The following TM2D3 variants were observed in gnomAD, a reference collection of about 807,000 sequenced individuals.
TM2D3 encodes TM2 domain containing 3, also known as TM2 domain-containing protein 3.
A neutral mutation model predicts 27.3 loss-of-function variants in TM2D3; 33 were observed. That is an observed-to-expected ratio of 1.21 (90% CI 0.92 to 1.61). TM2D3 has a LOEUF of 1.61. Among genes scored for constraint, TM2D3 ranks in the 40% most tolerant of loss-of-function variants. TM2D3 has a pLI of 0.00. For synonymous variants in TM2D3, 138 were observed against 122.2 expected, an observed-to-expected ratio of 1.13 and a Z score of -0.85; for missense variants, 364 against 320.8, an observed-to-expected ratio of 1.13 and a Z score of -1.03.
At position 101,645,113 on chromosome 15, in the gene TM2D3, A is replaced by C. The variant is rs750395784; in HGVS notation, c.552T>G (p.Tyr184Ter). ...TTAGAGCCAGAGCCGTAGACCACTT[A>C]TAGCCTCCAGTCCAATTGCAATATA... Reference protein sequence around the residue: ...KMLYCNWTGGYKWSTALALSI... With the variant: ...KMLYCNWTGG The change falls in exon 5 of 6, where the codon TAT (tyrosine) becomes TAG (stop). Residue 184 changes from tyrosine (Y) to a stop codon, truncating the protein, a stop_gained. Coordinates refer to ENST00000333202, the MANE Select transcript of TM2D3 (RefSeq NM_078474.3). LOFTEE classifies it high-confidence loss of function. 1.3e-5 allele frequency: 21 copies of C among 1,613,808 alleles called. No individual in the cohort carries two copies. The South Asian group carries it at 2.2e-4, about 17-fold the overall frequency.
downstream of TM2D3, among the ~76,000 whole-genome samples, chr15:101,639,334 A>C (rs1475427353): frequency 6.6e-6 from 1 of 152,034 alleles, no homozygotes; most frequent in Admixed American, 6.5e-5. Flanking sequence ...ACAGAGGGGA[A>C]GCTTTAGAGC....
downstream of TM2D3, among the ~76,000 whole-genome samples, chr15:101,639,694 G>A (rs1170966647): frequency 1.3e-5 from 2 of 152,114 alleles, no homozygotes; most frequent in African/African-American, 2.4e-5. Flanking sequence ...TAAACCAGTT[G>A]TTCCTCAGCA....
downstream of TM2D3, among the ~76,000 whole-genome samples, chr15:101,639,005 C>G (rs1896609892): frequency 1.3e-5 from 2 of 152,202 alleles, no homozygotes; most frequent in Admixed American, 1.3e-4. Context: ...AGAACCAGAG[C>G]CCTGCCTTCG....
downstream of TM2D3, among the ~76,000 whole-genome samples, chr15:101,639,873 C>A (rs145717217): frequency 6.6e-6 from 1 of 152,154 alleles, no homozygotes; most frequent in Non-Finnish European, 1.5e-5. Context: ...TAAATGAGAG[C>A]CTCTGTGTGC....
intron 4 of TM2D3, 195 bp from the exon 5 acceptor site, chr15:101,645,357 T>TAC: frequency 1.7e-6 from 1 of 584,098 alleles, no homozygotes; most frequent in South Asian, 2.1e-5. Context: ...AAGTTAGGAT[T>TAC]ACAACGTGAG....
intron 3 of TM2D3, 138 bp from the exon 4 acceptor site, chr15:101,647,037 GT>G: frequency 1.2e-6 from 1 of 811,098 alleles, no homozygotes. Flanking sequence ...CAGAAAAACA[GT>G]TACCAAAACA....
At chr15:101,646,558 GCTTTA>G (rs1488237582) in intron 4 of TM2D3, 162 bp downstream of exon 4, 3 of 663,656 alleles carry the variant, frequency 4.5e-6, no homozygotes, top group Non-Finnish European at 7.8e-6. Context: ...TTTTCTGGAT[GCTTTA>G]CTTTAGTACG....
intron 4 of TM2D3, chr15:101,634,812 T>C (rs1023244916): frequency 6.6e-6 from 1 of 152,226 alleles, no homozygotes; most frequent in African/African-American, 2.4e-5. Context: ...TTTGAGGACA[T>C]TTTTAAGACC....
rs368849859 is a variant in TM2D3, at chr15:101,652,314, G to T, written c.48C>A (p.Arg16=). Residue 16 remains arginine, a synonymous_variant, in exon 1 of 6, where the codon CGC becomes CGA. Transcript: ENST00000333202. ...LPLRGLRALC[R]VLLFLSQFCI... is the part of the protein sequence containing the mutation. ...AGAACTGCGAGAGGAAGAGCAGCAC[G>T]CGACACAAGGCGCGGAGGCCCCTCA... 3.0e-4 allele frequency: 486 copies of T among 1,602,754 alleles called. 11 individuals are homozygous for T. The South Asian group carries it at 4.2e-3, about 14-fold the overall frequency.
intron 2 of TM2D3, chr15:101,650,389 CT>C (rs1896938260): frequency 2.5e-6 from 1 of 405,104 alleles, no homozygotes; most frequent in Non-Finnish European, 4.4e-6. Flanking sequence ...TCATTCCTGC[CT>C]CCCACGTGGC....
At chr15:101,648,930 A>C (rs1896894036) in intron 3 of TM2D3, among the ~76,000 whole-genome samples, 1 of 152,214 alleles carries the variant, frequency 6.6e-6, no homozygotes, top group Non-Finnish European at 1.5e-5. Context: ...TGCATGTGTA[A>C]GTTTAACAGA....
At chr15:101,639,874 C>G (rs1420892966), downstream of TM2D3, among the ~76,000 whole-genome samples, 2 of 152,156 alleles carry the variant, frequency 1.3e-5, no homozygotes, top group African/African-American at 2.4e-5. Flanking sequence ...AAATGAGAGC[C>G]TCTGTGTGCA....
chr15:101,645,040 C>T lies in TM2D3; in HGVS notation c.578+47G>A, dbSNP rs1182672323. On this transcript the variant is annotated intron_variant, in intron 5 of 5. Transcript: ENST00000333202. ...CAATGTCTGAAGATTCCACCAATCC[C>T]AAAGAAATGCAAACGGCCTTTTACA... is the stretch of plus-strand genomic sequence containing the variant. The T allele has an allele frequency of 6.5e-6, 10 of 1,543,418 alleles. No individual in the cohort carries two copies. The South Asian group carries it at 1.1e-4, about 18-fold the overall frequency.
chr15:101,643,909 G>A (rs1248484806), intron 5 of TM2D3, among the ~76,000 whole-genome samples: 1 of 152,018 alleles, frequency 6.6e-6, no homozygotes, highest in African/African-American at 2.4e-5. Flanking sequence ...GAGTGCAGTG[G>A]TGCAATGCCA....
intron 5 of TM2D3, among the ~76,000 whole-genome samples, chr15:101,644,517 C>A (rs1223460324): frequency 1.3e-5 from 2 of 152,180 alleles, no homozygotes; most frequent in African/African-American, 4.8e-5. Flanking sequence ...GGCACGAACT[C>A]AAAACTTCAA....
At chr15:101,644,553 A>C (rs899133875) in intron 5 of TM2D3, among the ~76,000 whole-genome samples, 1 of 152,210 alleles carries the variant, frequency 6.6e-6, no homozygotes, top group South Asian at 2.1e-4. Context: ...CCTTTTCACT[A>C]ATCAGTTAAC....
intron 2 of TM2D3, chr15:101,650,808 G>A (rs1289988368): frequency 1.3e-5 from 2 of 152,200 alleles, no homozygotes; most frequent in Non-Finnish European, 2.9e-5. Context: ...AGTGTGCAAT[G>A]TATTTTTACC....
chr15:101,646,870 G>A lies in TM2D3; in HGVS notation c.357C>T (p.Phe119=). Residue 119 remains phenylalanine, a synonymous_variant, in exon 4 of 6, where the codon TTC becomes TTT. Coordinates refer to ENST00000333202, the MANE Select transcript of TM2D3 (RefSeq NM_078474.3). ...AAAATCTGCAAGTCATGTTAATGAT[G>A]AAGTTCTTTTGGGATTTGAAGTCTT... ...VDQDFKSQKN[F]IINMTCRFCW... is the part of the protein sequence containing the mutation. The A allele has an allele frequency of 6.2e-7, 1 of 1,614,180 alleles. No individual in the cohort carries two copies. Among genetic ancestry groups the A allele is most frequent in the Non-Finnish European group, 8.5e-7 (1 of 1,180,030 alleles).
chr15:101,635,399 T>A lies in TM2D3; in HGVS notation c.501-1671A>T, dbSNP rs1465304474. The stretch of plus-strand genomic sequence containing the variant: ...GTTTGCAATCTGTGAGCATTTTTTA[T>A]ATTTAGTGATTAAAATCACAGCCTG... On this transcript the variant is annotated intron_variant, in intron 4 of 4. Coordinates refer to the TM2D3 transcript ENST00000428002. The A allele has an allele frequency of 2.0e-5, 3 of 152,328 alleles. No individual in the cohort carries two copies. The East Asian group carries it at 5.8e-4, about 29-fold the overall frequency. The allele number at this position is 152,328 out of a possible 1,614,324, so 9.4% of individuals were successfully genotyped here.
Sources: gnomAD v4.1 joint callset for allele counts (sites outside exome capture counted in the v4.1 genomes callset) on GRCh38, gnomAD v4.1.1 for gene constraint, MANE v1.5 for transcripts, NCBI Gene and HGNC (gene_info 2026-07-23, HGNC 2026-07-21) for gene names.